The following PATJ variants were observed in gnomAD, a reference collection of about 807,000 sequenced individuals.
PATJ encodes the protein PATJ crumbs cell polarity complex component.
A neutral mutation model predicts 224.9 loss-of-function variants in PATJ; 190 were observed. The ratio of observed to expected loss-of-function variants is 0.84; its 90% CI spans 0.75 to 0.95. PATJ has a LOEUF of 0.95. Among genes scored for constraint, PATJ ranks in the 40% least tolerant of loss-of-function variants. The pLI is 0.00. For missense variants in PATJ, 2,121 were observed against 2,270.3 expected (o/e 0.93, Z 1.34); for synonymous variants, 769 against 820.3 (o/e 0.94, Z 1.07).
At chr1:61,922,889 G>A (rs780617209) in intron 26 of PATJ, among the ~76,000 whole-genome samples, 6 of 152,212 alleles carry the variant, frequency 3.9e-5, no homozygotes, top group Admixed American at 2.6e-4. Context: ...TGGGGACACA[G>A]ACAATGAACA....
At chr1:61,962,432 ACTGT>A (rs1216573228) in intron 27 of PATJ, among the ~76,000 whole-genome samples, 2 of 152,162 alleles carry the variant, frequency 1.3e-5, no homozygotes, top group Admixed American at 6.5e-5. Flanking sequence ...TTTCAGATAC[ACTGT>A]CTGGAGTTTA....
Position 61,828,972 on chromosome 1 carries a change from A to G in PATJ, c.1980+1389A>G, listed in dbSNP as rs1204132629. The stretch of plus-strand genomic sequence containing the variant: ...ACTTACCCATCTCATGAGTTTGTGC[A>G]AGAAGGAAATGTGGTAATGTGAGCA... On this transcript the variant is annotated intron_variant, in intron 16 of 43. Coordinates refer to ENST00000642238, the MANE Select transcript of PATJ (RefSeq NM_001350145.3). Among the ~76,000 whole-genome samples the G allele has an allele frequency of 2.0e-5, 3 of 152,196 alleles. No individual in the cohort carries two copies. In the East Asian group the frequency reaches 5.8e-4, roughly 29 times the overall value.
chr1:61,763,668 T>C (rs1036188226), intron 3 of PATJ, among the ~76,000 whole-genome samples: 5 of 150,510 alleles, frequency 3.3e-5, no homozygotes, highest in African/African-American at 7.2e-5. Context: ...ATATATTTTC[T>C]TTTTATTTTG....
intron 27 of PATJ, among the ~76,000 whole-genome samples, chr1:61,940,243 A>G (rs1677598697): frequency 6.6e-6 from 1 of 152,150 alleles, no homozygotes; most frequent in Non-Finnish European, 1.5e-5. Flanking sequence ...GATTGGGAAT[A>G]TGATAACAAT....
chr1:61,835,712 C>T (rs1314269853), intron 17 of PATJ, among the ~76,000 whole-genome samples: 3 of 151,806 alleles, frequency 2.0e-5, no homozygotes, highest in African/African-American at 7.3e-5. Context: ...CCTAGGTTAG[C>T]CAAAATTAAC....
At chr1:61,953,448 T>C (rs948956283) in intron 27 of PATJ, among the ~76,000 whole-genome samples, 1 of 152,224 alleles carries the variant, frequency 6.6e-6, no homozygotes, top group African/African-American at 2.4e-5. Flanking sequence ...AGAACTTTTG[T>C]TTAAAATATA....
At position 62,121,210 on chromosome 1, in the gene PATJ, T is replaced by C; in HGVS notation, c.4920T>C (p.Cys1640=). ...QGSQQSAHSS[C]HPSFAPVITG... Reference sequence around the variant, plus strand: ...GTCAGCAGAGTGCACACAGCAGCTGTCATCCCTCCTTCGCTCCTGTCATCA... The same window carrying C: ...GTCAGCAGAGTGCACACAGCAGCTGCCATCCCTCCTTCGCTCCTGTCATCA... Residue 1640 remains cysteine (C), a synonymous_variant, in exon 38 of 44, where the codon TGT becomes TGC. Coordinates refer to ENST00000642238, the MANE Select transcript of PATJ (RefSeq NM_001350145.3). The C allele has an allele frequency of 6.2e-7, 1 of 1,613,934 alleles. No individual in the cohort carries two copies. The highest frequency in any genetic ancestry group is 8.5e-7 in the Non-Finnish European group (1 of 1,179,880).
At chr1:61,909,245 G>A (rs777325358) in intron 25 of PATJ, among the ~76,000 whole-genome samples, 73 of 152,224 alleles carry the variant, frequency 4.8e-4, no homozygotes, top group Admixed American at 8.5e-4. Flanking sequence ...CTCCCAAAGT[G>A]CTGTTATTAC....
chr1:61,861,665 A>G lies in PATJ; in HGVS notation c.2437A>G (p.Lys813Glu). 1 of 1,288,976 alleles carries G rather than the reference A, an allele frequency of 7.8e-7. No individual in the cohort carries two copies. The allele number at this position is 1,288,976 out of a possible 1,614,324, so 79.8% of individuals were successfully genotyped here. The change falls in exon 19 of 44, where the codon AAG becomes GAG. Residue 813 changes from lysine to glutamate, a missense_variant and splice_region_variant. Coordinates refer to ENST00000642238, the MANE Select transcript of PATJ (RefSeq NM_001350145.3). Reference protein sequence around the residue: ...INSSLILEAPKGFRDEPYFKE... With the variant: ...INSSLILEAPEGFRDEPYFKE... ...TTCATCTTTAATACTCGAAGCACCC[A>G]AGGTATTTAATAAATTTATTTCCCA...
intron 27 of PATJ, among the ~76,000 whole-genome samples, chr1:61,931,251 C>T (rs1473804836): frequency 6.6e-6 from 1 of 152,088 alleles, no homozygotes; most frequent in African/African-American, 2.4e-5. Context: ...GAGAATATGG[C>T]AGGGAACATG....
At position 61,769,515 on chromosome 1, in the gene PATJ, T is replaced by A. The variant is rs973273756; in HGVS notation, c.524+93T>A. The stretch of plus-strand genomic sequence containing the variant: ...AGTGAAAAACTAGTAATAAAAACAG[T>A]AACAGTAACAGCTAACATTTTTGCT... On this transcript the variant is annotated intron_variant, in intron 5 of 43. Transcript: ENST00000642238. 26 of 1,334,120 alleles carry A rather than the reference T, an allele frequency of 1.9e-5. No individual in the cohort carries two copies. The Middle Eastern group carries it at 5.6e-4, about 29-fold the overall frequency. 82.6% of individuals were successfully genotyped at this position (1,334,120 alleles called of 1,614,324 possible). A position where few individuals can be genotyped will look rare whatever the true frequency, so the allele number is the denominator to read the frequency against.
At position 61,823,077 on chromosome 1, in the gene PATJ, G is replaced by C. The variant is rs377346990; in HGVS notation, c.1816G>C (p.Glu606Gln). 10 of 1,613,872 alleles carry C rather than the reference G, an allele frequency of 6.2e-6. No individual in the cohort carries two copies. The highest frequency in any genetic ancestry group is 8.5e-6 in the Non-Finnish European group (10 of 1,179,952). The change falls in exon 15 of 44, where the codon GAG (glutamate) becomes CAG (glutamine). Residue 606 changes from glutamate to glutamine, a missense_variant and splice_region_variant. Physicochemically the swap from Glu to Gln is conservative, Grantham distance 29 (BLOSUM62 2). Transcript: ENST00000642238. ...CCTACAGCCAGAAGATGAGCTGCTT[G>C]AGGTAAAATTTATGGGGAAAGAAAG... is the stretch of plus-strand genomic sequence containing the variant. ...GLLQPEDELL[E>Q]VNGMQLYGKS...
intron 24 of PATJ, 96 bp downstream of exon 24, chr1:61,901,555 C>A: frequency 2.4e-6 from 2 of 816,460 alleles, no homozygotes; most frequent in East Asian, 3.0e-5. Flanking sequence ...TGTTGGGGAC[C>A]GTGTGTGTAC....
intron 27 of PATJ, among the ~76,000 whole-genome samples, chr1:61,978,219 TCCTTCCTCCCTC>T (rs1427439224): frequency 7.6e-5 from 10 of 131,052 alleles, no homozygotes; most frequent in Admixed American, 3.8e-4. Flanking sequence ...CTTCCTTCCT[TCCTTCCTCCCTC>T]CCTCCCTCCC....
At chr1:61,858,601 T>C (rs1664073193) in intron 18 of PATJ, among the ~76,000 whole-genome samples, 1 of 152,054 alleles carries the variant, frequency 6.6e-6, no homozygotes. Context: ...ACATGAGTAC[T>C]CATTCATTCA....
chr1:61,851,499 CG>C (rs1181193465), intron 17 of PATJ, among the ~76,000 whole-genome samples: 1 of 151,930 alleles, frequency 6.6e-6, no homozygotes, highest in African/African-American at 2.4e-5. Flanking sequence ...GTTGGGCAAA[CG>C]GGAGCAGGCA....
At chr1:62,035,945 G>C (rs1054743402) in intron 29 of PATJ, among the ~76,000 whole-genome samples, 13 of 152,060 alleles carry the variant, frequency 8.5e-5, no homozygotes, top group Admixed American at 5.9e-4. Context: ...CAGAGCAGAA[G>C]AGAGTGGGGT....
At chr1:62,012,688 G>A (rs1646522476) in intron 28 of PATJ, among the ~76,000 whole-genome samples, 1 of 147,472 alleles carries the variant, frequency 6.8e-6, no homozygotes, top group South Asian at 2.1e-4. Flanking sequence ...ATAGTTGGAA[G>A]CTGTATAACT....
intron 9 of PATJ, among the ~76,000 whole-genome samples, chr1:61,794,789 A>G (rs1343375767): frequency 6.6e-6 from 1 of 151,898 alleles, no homozygotes; most frequent in Admixed American, 6.6e-5. Context: ...GGAGTTCAAG[A>G]CCAGCCTGAC....
Sources: gnomAD v4.1 joint callset for allele counts (sites outside exome capture counted in the v4.1 genomes callset) on GRCh38, gnomAD v4.1.1 for gene constraint, MANE v1.5 for transcripts, NCBI Gene and HGNC (gene_info 2026-07-23, HGNC 2026-07-21) for gene names.